Variants in RNF13 observed in about 807,000 individuals in gnomAD.
RNF13 encodes the protein ring finger protein 13.
In RNF13, 19 loss-of-function variants were observed where a neutral mutation model predicts 37.7. The ratio of observed to expected loss-of-function variants is 0.50; its 90% CI spans 0.35 to 0.74. The LOEUF (loss-of-function observed/expected upper bound fraction) is 0.74, where lower values mean the gene tolerates loss of function less well. RNF13 is among the 30% of genes least tolerant of loss of function. RNF13 has a pLI of 0.01. For synonymous variants in RNF13, 144 were observed against 157.8 expected, an observed-to-expected ratio of 0.91 and a Z score of 0.65; for missense variants, 375 against 453.0, an observed-to-expected ratio of 0.83 and a Z score of 1.56.
intron 3 of RNF13, among the ~76,000 whole-genome samples, chr3:149,853,755 T>C (rs1243203800): frequency 6.6e-6 from 1 of 151,962 alleles, no homozygotes; most frequent in Admixed American, 6.6e-5. Flanking sequence ...TATTAGTTTT[T>C]TGTTATATGA....
intron 1 of RNF13, among the ~76,000 whole-genome samples, chr3:149,830,122 A>G (rs937492818): frequency 3.4e-5 from 4 of 117,686 alleles, no homozygotes; most frequent in Non-Finnish European, 6.9e-5. Flanking sequence ...CAGTATGAAA[A>G]TGGACTAACA....
At chr3:149,908,317 A>G (rs1462758096) in intron 6 of RNF13, among the ~76,000 whole-genome samples, 1 of 152,140 alleles carries the variant, frequency 6.6e-6, no homozygotes, top group African/African-American at 2.4e-5. Flanking sequence ...TTTAATCTTC[A>G]TGGACATATT....
intron 7 of RNF13, among the ~76,000 whole-genome samples, chr3:149,913,176 C>G (rs1009560061): frequency 6.6e-6 from 1 of 151,950 alleles, no homozygotes; most frequent in African/African-American, 2.4e-5. Flanking sequence ...CTTATTTAGG[C>G]CTTTCCATCA....
chr3:149,908,763 T>C lies in RNF13; in HGVS notation c.501-3215T>C, dbSNP rs765278095. Among the ~76,000 whole-genome samples the C allele has an allele frequency of 3.5e-4, 54 of 152,274 alleles. 1 individual carries two copies. The highest frequency in any genetic ancestry group is 1.6e-3 in the Admixed American group (24 of 15,294). Reference sequence around the variant, plus strand: ...AATCCACTGAGGCTTAGTAGTTTGATTGGTGGGGGTTGGATGTCAGAAAAG... The same window carrying C: ...AATCCACTGAGGCTTAGTAGTTTGACTGGTGGGGGTTGGATGTCAGAAAAG... On this transcript the variant is annotated intron_variant, in intron 6 of 9. Coordinates refer to ENST00000392894, the MANE Select transcript of RNF13 (RefSeq NM_183381.3).
chr3:149,939,800 G>A (rs1465505523), intron 8 of RNF13: 4 of 574,636 alleles, frequency 7.0e-6, no homozygotes, highest in African/African-American at 5.6e-5. Context: ...TCTTCCATGG[G>A]GTGGTGACAC....
intron 3 of RNF13, among the ~76,000 whole-genome samples, chr3:149,861,552 A>G (rs1270877886): frequency 6.6e-6 from 1 of 152,170 alleles, no homozygotes; most frequent in East Asian, 1.9e-4. Context: ...CCATGTTCTC[A>G]CTCATTTGTA....
intron 8 of RNF13, among the ~76,000 whole-genome samples, chr3:149,949,294 G>A (rs1721077146): frequency 1.3e-5 from 2 of 151,972 alleles, no homozygotes; most frequent in Non-Finnish European, 2.9e-5. Flanking sequence ...GTTTTGAAAG[G>A]GCACTTTTGC....
intron 4 of RNF13, among the ~76,000 whole-genome samples, chr3:149,883,496 C>G (rs532665858): frequency 6.6e-6 from 1 of 151,860 alleles, no homozygotes; most frequent in Admixed American, 6.6e-5. Context: ...AATCCTTGAA[C>G]GTAATTTATA....
intron 1 of RNF13, among the ~76,000 whole-genome samples, chr3:149,839,771 A>G (rs1721986966): frequency 6.6e-6 from 1 of 152,174 alleles, no homozygotes; most frequent in Non-Finnish European, 1.5e-5. Flanking sequence ...ATTTTTTTAA[A>G]GGATATCTAA....
chr3:149,831,739 G>T (rs535145906), intron 1 of RNF13, among the ~76,000 whole-genome samples: 35 of 152,178 alleles, frequency 2.3e-4, no homozygotes, highest in African/African-American at 8.2e-4. Context: ...GATTTGGGAG[G>T]GTCCAGGGGC....
At chr3:149,831,153 A>G (rs1720997186) in intron 1 of RNF13, among the ~76,000 whole-genome samples, 1 of 152,240 alleles carries the variant, frequency 6.6e-6, no homozygotes, top group African/African-American at 2.4e-5. Flanking sequence ...GAAGGGAAAT[A>G]CAGTGTTGGA....
intron 6 of RNF13, among the ~76,000 whole-genome samples, chr3:149,905,793 C>T (rs981736152): frequency 5.0e-4 from 76 of 150,894 alleles, no homozygotes; most frequent in African/African-American, 1.7e-3. Context: ...TTTTTTTTGT[C>T]CTTCCCAATG....
chr3:149,867,458 G>C (rs1711511316), intron 3 of RNF13, among the ~76,000 whole-genome samples: 2 of 151,390 alleles, frequency 1.3e-5, no homozygotes, highest in Non-Finnish European at 3.0e-5. Flanking sequence ...AGTAGAGATG[G>C]GGTTTCACGT....
intron 8 of RNF13, among the ~76,000 whole-genome samples, chr3:149,933,614 A>G (rs1235109614): frequency 7.2e-6 from 1 of 138,942 alleles, no homozygotes; most frequent in Non-Finnish European, 1.5e-5. Context: ...GATGGAGTCT[A>G]GCTTTGTCAC....
intron 4 of RNF13, among the ~76,000 whole-genome samples, chr3:149,886,950 A>T (rs1427977974): frequency 6.6e-6 from 1 of 152,142 alleles, no homozygotes; most frequent in Non-Finnish European, 1.5e-5. Context: ...TTAATTTTGA[A>T]ATATTTGTGA....
At chr3:149,865,766 G>A (rs1724751092) in intron 3 of RNF13, among the ~76,000 whole-genome samples, 1 of 152,146 alleles carries the variant, frequency 6.6e-6, no homozygotes, top group Non-Finnish European at 1.5e-5. Context: ...GAGGTTCATT[G>A]TTAGGTGGTT....
intron 5 of RNF13, among the ~76,000 whole-genome samples, chr3:149,900,479 C>T (rs1016263149): frequency 6.6e-6 from 1 of 151,718 alleles, no homozygotes; most frequent in Non-Finnish European, 1.5e-5. Context: ...GAGGCTGAGA[C>T]AGGAGGGGCA....
At chr3:149,907,119 A>G (rs1469099418) in intron 6 of RNF13, among the ~76,000 whole-genome samples, 2 of 152,136 alleles carry the variant, frequency 1.3e-5, no homozygotes, top group African/African-American at 2.4e-5. Context: ...CTGAAAGCTC[A>G]TTTTTGAGTG....
chr3:149,855,231 A>C (rs549134859), intron 3 of RNF13, among the ~76,000 whole-genome samples: 1 of 152,292 alleles, frequency 6.6e-6, no homozygotes, highest in South Asian at 2.1e-4. Context: ...AGGTGGGAGA[A>C]TCGCTTGAAC....
Sources: allele counts gnomAD v4.1 joint callset (sites outside exome capture counted in the v4.1 genomes callset), GRCh38; gene constraint gnomAD v4.1.1; transcripts MANE v1.5; gene names NCBI Gene and HGNC (gene_info 2026-07-23, HGNC 2026-07-21).